CAMSAP2: variants seen among roughly 807,000 people sequenced by gnomAD.
The protein encoded by CAMSAP2 is calmodulin regulated spectrin associated protein family member 2, also known as calmodulin-regulated spectrin-associated protein 2.
A neutral mutation model predicts 146.1 loss-of-function variants in CAMSAP2; 26 were observed. The observed-to-expected ratio is 0.18, with a 90% confidence interval of 0.13 to 0.25. The LOEUF is 0.25. Ranked by LOEUF, CAMSAP2 falls within the 10% of genes least tolerant of loss-of-function variation. The pLI, the probability that CAMSAP2 is intolerant of heterozygous loss-of-function variation, is 1.00. For missense variants in CAMSAP2, 1,381 were observed against 1,759.3 expected (o/e 0.78, Z 3.85); for synonymous variants, 499 against 596.6 (o/e 0.84, Z 2.38).
intron 2 of CAMSAP2, among the ~76,000 whole-genome samples, chr1:200,779,135 G>A (rs1464252080): frequency 6.6e-6 from 1 of 152,116 alleles, no homozygotes; most frequent in East Asian, 1.9e-4. Context: ...CCCTATTAAT[G>A]AATATAGGTC....
Position 200,848,189 on chromosome 1 carries a change from T to C in CAMSAP2, c.1420T>C (p.Phe474Leu), listed in dbSNP as rs1401110693. ...VSKHIRKNLS[F>L]KPINGEEEAE... is the part of the protein sequence containing the mutation. Reference sequence around the variant, plus strand: ...TAAACACATTAGGAAAAATTTGTCCTTCAAGCCAATAAATGGAGAAGAGGA... The same window carrying C: ...TAAACACATTAGGAAAAATTTGTCCCTCAAGCCAATAAATGGAGAAGAGGA... Residue 474 changes from phenylalanine (F) to leucine (L), a missense_variant, in exon 11 of 17, where the codon TTC becomes CTC. Around this residue, in one of 4 missense-constraint regions of CAMSAP2, gnomAD observed 447 missense variants for 462.2 expected, o/e 0.97. Transcript: ENST00000358823. 6.2e-7 allele frequency: 1 copy of C among 1,613,788 alleles called. No homozygotes were observed. Among genetic ancestry groups the C allele is most frequent in the African/African-American group, 1.3e-5 (1 of 74,924 alleles).
At chr1:200,770,091 G>A (rs1455065469) in intron 2 of CAMSAP2, among the ~76,000 whole-genome samples, 3 of 152,160 alleles carry the variant, frequency 2.0e-5, no homozygotes, top group Admixed American at 6.5e-5. Flanking sequence ...ATCATGTCTT[G>A]GAAGATGTGA....
chr1:200,786,193 CTTTG>C (rs1023765903), intron 2 of CAMSAP2, among the ~76,000 whole-genome samples: 1 of 151,952 alleles, frequency 6.6e-6, no homozygotes, highest in African/African-American at 2.4e-5. Context: ...AAAACCAGCT[CTTTG>C]TTTCAGTTTT....
At chr1:200,758,673 T>C (rs898310297) in intron 1 of CAMSAP2, among the ~76,000 whole-genome samples, 2 of 152,256 alleles carry the variant, frequency 1.3e-5, no homozygotes, top group African/African-American at 4.8e-5. Flanking sequence ...TTTTTGCTAT[T>C]GTTTCAAACT....
chr1:200,756,103 G>T (rs1664641279), intron 1 of CAMSAP2, among the ~76,000 whole-genome samples: 3 of 152,152 alleles, frequency 2.0e-5, no homozygotes, highest in African/African-American at 7.2e-5. Flanking sequence ...TACATTTGTG[G>T]AATATGGAGA....
chr1:200,842,869 G>A (rs555683458), intron 7 of CAMSAP2, among the ~76,000 whole-genome samples: 3 of 151,810 alleles, frequency 2.0e-5, no homozygotes, highest in South Asian at 2.1e-4. Flanking sequence ...CCAGCTACTC[G>A]GGAGGCTGAG....
At chr1:200,817,765 G>A (rs780952916) in intron 4 of CAMSAP2, among the ~76,000 whole-genome samples, 1 of 152,210 alleles carries the variant, frequency 6.6e-6, no homozygotes, top group Non-Finnish European at 1.5e-5. Context: ...GATGTTTTGG[G>A]ATCACAATGC....
chr1:200,847,415 TTG>T, intron 9 of CAMSAP2, 123 bp downstream of exon 9: 3 of 728,014 alleles, frequency 4.1e-6, no homozygotes, highest in Non-Finnish European at 6.6e-6. Context: ...GTGTGTTTTT[TTG>T]TTTGTTTGTT....
rs187344950 is a variant in CAMSAP2, at chr1:200,803,019, T to C, written c.400-4357T>C. ...GAAATGCCAAGTAGCCCTCCTGCTT[T>C]TTCTTCCATAACCAGCCTTCCTGCT... On this transcript the variant is annotated intron_variant, in intron 2 of 16. Coordinates refer to ENST00000358823, the MANE Select transcript of CAMSAP2 (RefSeq NM_203459.4). Among the ~76,000 whole-genome samples, 12 of 152,318 alleles carry C rather than the reference T, an allele frequency of 7.9e-5. No homozygotes were observed. In the East Asian group the frequency reaches 2.1e-3, roughly 27 times the overall value.
At chr1:200,779,526 C>A (rs549853722) in intron 2 of CAMSAP2, among the ~76,000 whole-genome samples, 1 of 152,188 alleles carries the variant, frequency 6.6e-6, no homozygotes, top group East Asian at 1.9e-4. Context: ...TGGGAATCAG[C>A]TGAGAGTAGT....
intron 3 of CAMSAP2, among the ~76,000 whole-genome samples, chr1:200,813,776 A>G (rs66769776): frequency 0.098 from 14,909 of 152,112 alleles, 842 homozygotes; most frequent in East Asian, 0.17. Flanking sequence ...CTACCTGACA[A>G]TGAATTAGAA....
Position 200,857,205 on chromosome 1 carries a change from C to A in CAMSAP2, c.4013-101C>A, listed in dbSNP as rs1667770994. 2 of 856,028 alleles carry A rather than the reference C, an allele frequency of 2.3e-6. No homozygotes were observed. Among genetic ancestry groups the A allele is most frequent in the Non-Finnish European group, 3.7e-6 (2 of 533,666 alleles). The allele number at this position is 856,028 out of a possible 1,614,324, so 53.0% of individuals were successfully genotyped here. On this transcript the variant is annotated intron_variant, in intron 15 of 16. Coordinates refer to ENST00000358823, the MANE Select transcript of CAMSAP2 (RefSeq NM_203459.4). This position sits in a 1 kb window ranked among gnomAD's most constrained non-coding sequence, Gnocchi z 4.7. Reference sequence around the variant, plus strand: ...AAGCACAGAATTTGGTCTTCTATTACAATATTTCAGCAGTGTAGGAACAAT... The same window carrying A: ...AAGCACAGAATTTGGTCTTCTATTAAAATATTTCAGCAGTGTAGGAACAAT...
At chr1:200,819,347 T>G (rs548736789) in intron 4 of CAMSAP2, among the ~76,000 whole-genome samples, 1 of 152,228 alleles carries the variant, frequency 6.6e-6, no homozygotes. Flanking sequence ...CTAATTAAAT[T>G]TGAATGCCAG....
chr1:200,828,247 T>C (rs977409805), intron 4 of CAMSAP2, among the ~76,000 whole-genome samples: 5 of 152,166 alleles, frequency 3.3e-5, no homozygotes, highest in African/African-American at 1.2e-4. Context: ...CCTTTTGTGA[T>C]ATAGATTTAT....
At position 200,801,738 on chromosome 1, in the gene CAMSAP2, CA is replaced by C. The variant is rs555857718; in HGVS notation, c.400-5637del. Among the ~76,000 whole-genome samples, 37 of 152,232 alleles carry C rather than the reference CA, an allele frequency of 2.4e-4. 1 individual carries two copies. The highest frequency in any genetic ancestry group is 5.8e-4 in the African/African-American group (24 of 41,552). ...ATCTGAAGGTTATTAAAGCTTACAC[CA>C]TCTAAATTATATTTAGATGAGTTAC... On this transcript the variant is annotated intron_variant, in intron 2 of 16. Coordinates refer to ENST00000358823, the MANE Select transcript of CAMSAP2 (RefSeq NM_203459.4).
At chr1:200,754,631 G>A (rs2102995401) in intron 1 of CAMSAP2, among the ~76,000 whole-genome samples, 1 of 128,414 alleles carries the variant, frequency 7.8e-6, no homozygotes, top group Admixed American at 9.8e-5. Flanking sequence ...CGCCCAGGCT[G>A]GAGTGCAGTG....
At chr1:200,765,231 A>C (rs1467145836) in intron 2 of CAMSAP2, among the ~76,000 whole-genome samples, 2 of 152,128 alleles carry the variant, frequency 1.3e-5, no homozygotes, top group African/African-American at 2.4e-5. Flanking sequence ...ATACTTCTTT[A>C]TTTATTTATT....
intron 2 of CAMSAP2, among the ~76,000 whole-genome samples, chr1:200,791,019 AT>A (rs1227010215): frequency 6.6e-6 from 1 of 151,896 alleles, no homozygotes; most frequent in Non-Finnish European, 1.5e-5. Flanking sequence ...TAATTTTTGT[AT>A]TTTTAGTAGG....
chr1:200,813,547 A>G (rs147390331), intron 3 of CAMSAP2, among the ~76,000 whole-genome samples: 59 of 152,310 alleles, frequency 3.9e-4, no homozygotes, highest in Non-Finnish European at 7.8e-4. Context: ...TCCATTGTAT[A>G]CCTAGCCTCT....
Sources: gnomAD v4.1 joint callset for allele counts (sites outside exome capture counted in the v4.1 genomes callset) on GRCh38, gnomAD v4.1.1 for gene constraint, gnomAD v4.1.1 regional missense constraint, Gnocchi (gnomAD v3.1) non-coding constraint, MANE v1.5 for transcripts, NCBI Gene and HGNC (gene_info 2026-07-23, HGNC 2026-07-21) for gene names.